PHF21B: variants seen among roughly 807,000 people sequenced by gnomAD.
PHF21B encodes the protein PHD finger protein 4.
A neutral mutation model predicts 62.2 loss-of-function variants in PHF21B; 22 were observed. That is an observed-to-expected ratio of 0.35 (90% CI 0.25 to 0.51). The LOEUF (loss-of-function observed/expected upper bound fraction) is 0.51. Among genes scored for constraint, PHF21B ranks in the 20% least tolerant of loss-of-function variants. The pLI is 0.97. For synonymous variants in PHF21B, 341 were observed against 314.7 expected (o/e 1.08, Z -0.88); for missense variants, 701 against 707.9 (o/e 0.99, Z 0.11).
intron 2 of PHF21B, among the ~76,000 whole-genome samples, chr22:44,957,587 C>T (rs182932046): frequency 6.6e-4 from 100 of 152,284 alleles, no homozygotes; most frequent in African/African-American, 2.4e-3. Flanking sequence ...CTTGAGTTCC[C>T]ATTTGTTTGG....
chr22:44,982,080 C>T (rs1284795999), intron 2 of PHF21B, among the ~76,000 whole-genome samples: 1 of 152,214 alleles, frequency 6.6e-6, no homozygotes, highest in East Asian at 1.9e-4. Flanking sequence ...GTGGAAACAG[C>T]GCTGGGCTAG....
intron 4 of PHF21B, 22 bp from the exon 5 acceptor site, chr22:44,914,110 C>T: frequency 1.5e-6 from 1 of 666,046 alleles, no homozygotes; most frequent in Non-Finnish European, 2.5e-6. Flanking sequence ...GGGTGAGGGG[C>T]ACAGGGAGGA....
At chr22:45,007,813 T>A (rs1299149999) in intron 2 of PHF21B, among the ~76,000 whole-genome samples, 1 of 149,986 alleles carries the variant, frequency 6.7e-6, no homozygotes, top group Non-Finnish European at 1.5e-5. Context: ...GGCCGGGCTC[T>A]GGCGGCGGCA....
At chr22:44,995,817 C>T (rs947218143) in intron 2 of PHF21B, among the ~76,000 whole-genome samples, 93 of 150,868 alleles carry the variant, frequency 6.2e-4, no homozygotes, top group Middle Eastern at 3.4e-3. Flanking sequence ...CCCCATCCCC[C>T]CACGTGATTC....
intron 2 of PHF21B, among the ~76,000 whole-genome samples, chr22:44,976,339 TCA>T: frequency 6.6e-6 from 1 of 152,276 alleles, no homozygotes; most frequent in Non-Finnish European, 1.5e-5. Flanking sequence ...AATCCTCTCT[TCA>T]CACTGTCTTA....
chr22:45,009,604 T>C lies in PHF21B; in HGVS notation c.-55A>G, dbSNP rs2073388489. The C allele has an allele frequency of 2.0e-6, 3 of 1,498,644 alleles. No individual in the cohort carries two copies. The South Asian group carries it at 3.8e-5, about 19-fold the overall frequency. 92.8% of individuals were successfully genotyped at this position (1,498,644 alleles called of 1,614,324 possible). A position where few individuals can be genotyped will look rare whatever the true frequency, so the allele number is the denominator to read the frequency against. ...ACTTTGGCCCGGGCTCCCGGGAAGTTGCGCGGCTCCGCGGGGGCCAGAGCG... is the reference window on the plus strand; with the variant it reads ...ACTTTGGCCCGGGCTCCCGGGAAGTCGCGCGGCTCCGCGGGGGCCAGAGCG... On this transcript the variant is annotated 5_prime_UTR_variant, in exon 1 of 13. Transcript: ENST00000313237. The surrounding 1 kb of genome is among the most constrained non-coding windows in gnomAD (Gnocchi z 5.9).
At chr22:44,959,053 T>C (rs747721711) in intron 2 of PHF21B, among the ~76,000 whole-genome samples, 3 of 152,218 alleles carry the variant, frequency 2.0e-5, no homozygotes, top group Non-Finnish European at 4.4e-5. Flanking sequence ...GCCTGATTTC[T>C]CGGAGGATGA....
At chr22:45,008,986 T>C in intron 1 of PHF21B, 4 of 1,092,524 alleles carry the variant, frequency 3.7e-6, no homozygotes, top group Non-Finnish European at 3.3e-6. Flanking sequence ...CGAGCAAAGC[T>C]CATAAATATT....
chr22:44,930,976 C>T (rs970062624), intron 2 of PHF21B, among the ~76,000 whole-genome samples: 13 of 152,234 alleles, frequency 8.5e-5, no homozygotes, highest in East Asian at 1.9e-4. Context: ...AGGTGAGCTA[C>T]GCCCAGGGGA....
intron 5 of PHF21B, among the ~76,000 whole-genome samples, chr22:44,899,061 G>A (rs537445843): frequency 6.6e-6 from 1 of 152,240 alleles, no homozygotes; most frequent in African/African-American, 2.4e-5. Flanking sequence ...TTAATATCCG[G>A]GAGGATTAGA....
rs143917355 is a variant in PHF21B, at chr22:44,891,461, A to G, written c.961-101T>C. 1,677 of 1,414,814 alleles carry G rather than the reference A, an allele frequency of 1.2e-3. 19 individuals carry two copies. The African/African-American group carries it at 0.021, about 17-fold the overall frequency. 87.6% of individuals were successfully genotyped at this position (1,414,814 alleles called of 1,614,324 possible). A position where few individuals can be genotyped will look rare whatever the true frequency, so the allele number is the denominator to read the frequency against. On this transcript the variant is annotated intron_variant, in intron 7 of 12. Transcript: ENST00000313237. ...GGACTCTCTCTGGGACAGGGTTCCC[A>G]CCCAGGGCTCCAGGCTCTGGCTGGA... is the stretch of plus-strand genomic sequence containing the variant.
rs556306606 is a variant in PHF21B at position 44,913,285 on chromosome 22, C to T, written c.831+537G>A. On this transcript the variant is annotated intron_variant, in intron 5 of 12. Coordinates refer to ENST00000313237, the MANE Select transcript of PHF21B (RefSeq NM_138415.5). ...ACAGTGCCCAGGGTCCTGCACACAC[C>T]CAGGACTGGCCATGGCAGAGAAGAG... 5.9e-5 allele frequency among the ~76,000 whole-genome samples: 9 copies of T among 152,294 alleles called. 1 individual carries two copies. Among genetic ancestry groups the T allele is most frequent in the African/African-American group, 9.6e-5 (4 of 41,554 alleles).
At chr22:44,927,527 G>A (rs1357845464) in intron 2 of PHF21B, among the ~76,000 whole-genome samples, 2 of 151,356 alleles carry the variant, frequency 1.3e-5, no homozygotes, top group African/African-American at 2.4e-5. Context: ...TGCCTTGCAG[G>A]GCCCCCTCCT....
At chr22:45,008,835 G>A in intron 1 of PHF21B, 2 of 1,182,780 alleles carry the variant, frequency 1.7e-6, no homozygotes, top group African/African-American at 1.6e-5. Flanking sequence ...GGGGCGGGGC[G>A]GGGGCCGAGG....
chr22:44,958,794 T>C (rs947398824), intron 2 of PHF21B, among the ~76,000 whole-genome samples: 15 of 151,814 alleles, frequency 9.9e-5, no homozygotes, highest in Non-Finnish European at 1.6e-4. Context: ...TATTTTTGTA[T>C]TTTGTAGAGA....
intron 2 of PHF21B, among the ~76,000 whole-genome samples, chr22:45,004,447 C>T (rs2073277346): frequency 6.6e-6 from 1 of 152,162 alleles, no homozygotes; most frequent in Non-Finnish European, 1.5e-5. Context: ...AGGGGTGAAA[C>T]CGGGCTAGGC....
At position 44,943,695 on chromosome 22, in the gene PHF21B, G is replaced by C. The variant is rs1040747958; in HGVS notation, c.121-23205C>G. On this transcript the variant is annotated intron_variant, in intron 2 of 12. Coordinates refer to ENST00000313237, the MANE Select transcript of PHF21B (RefSeq NM_138415.5). ...CGGACAGGTTTGGGGTCCACATTCA[G>C]TGGCCGGGCACATGACAGCGACTCC... Among the ~76,000 whole-genome samples, 9 of 152,264 alleles carry C rather than the reference G, an allele frequency of 5.9e-5. 1 individual carries two copies.
intron 7 of PHF21B, among the ~76,000 whole-genome samples, chr22:44,892,302 C>T (rs572920777): frequency 2.0e-5 from 3 of 152,194 alleles, no homozygotes; most frequent in Non-Finnish European, 4.4e-5. Context: ...ACGTGGAGCA[C>T]GTTCTCAGAA....
intron 5 of PHF21B, among the ~76,000 whole-genome samples, chr22:44,896,320 CA>C (rs2071056966): frequency 6.6e-6 from 1 of 152,136 alleles, no homozygotes; most frequent in Non-Finnish European, 1.5e-5. Context: ...TACGTGTATT[CA>C]AACATACTTT....
Sources: gnomAD v4.1 joint callset for allele counts (sites outside exome capture counted in the v4.1 genomes callset) on GRCh38, gnomAD v4.1.1 for gene constraint, Gnocchi (gnomAD v3.1) non-coding constraint, MANE v1.5 for transcripts, NCBI Gene and HGNC (gene_info 2026-07-23, HGNC 2026-07-21) for gene names.